MTERF1: variants seen among roughly 807,000 people sequenced by gnomAD.
MTERF1 encodes mitochondrial transcription termination factor 1, also known as transcription termination factor 1, mitochondrial.
Under a neutral mutation model 31.6 loss-of-function variants are expected in MTERF1, and 29 were observed. That is an observed-to-expected ratio of 0.92 (90% CI 0.68 to 1.25). The LOEUF is 1.25. Among genes scored for constraint, MTERF1 ranks in the 50% most tolerant of loss-of-function variants. MTERF1 has a pLI of 0.00. For synonymous variants in MTERF1, 152 were observed against 164.1 expected, an observed-to-expected ratio of 0.93 and a Z score of 0.57; for missense variants, 500 against 469.1, an observed-to-expected ratio of 1.07 and a Z score of -0.61.
At position 91,874,626 on chromosome 7, in the gene MTERF1, C is replaced by G; in HGVS notation, c.168G>C (p.Arg56Ser). 1 of 1,614,052 alleles carries G rather than the reference C, an allele frequency of 6.2e-7. No homozygotes were observed. The highest frequency in any genetic ancestry group is 8.5e-7 in the Non-Finnish European group (1 of 1,180,022). The part of the protein sequence containing the change: ...AENIFKSVSF[R>S]LFGVKCHNTD... ...TATTATGACACTTCACACCAAAAAGCCTAAATGAAACTGATTTGAAGATGT... is the reference window on the plus strand; with the variant it reads ...TATTATGACACTTCACACCAAAAAGGCTAAATGAAACTGATTTGAAGATGT... Residue 56 changes from arginine to serine, a missense_variant, in exon 3 of 3, where the codon AGG becomes AGC. Arg to Ser is a moderately radical substitution (Grantham distance 110, BLOSUM62 -1). Transcript: ENST00000351870.
rs1562843347 is a variant in MTERF1 at position 91,874,050 on chromosome 7, GCT to G, written c.742_743del (p.Ser248HisfsTer7). On this transcript the variant is annotated frameshift_variant, in exon 3 of 3. Transcript: ENST00000351870. LOFTEE classifies it high-confidence loss of function. ...CAATGTTAGCTTTCACCCGCTTGGTGCTCTGAATTAAGATAAAAGGGTTTTTA... is the reference window on the plus strand; with the variant it reads ...CAATGTTAGCTTTCACCCGCTTGGTGCTGAATTAAGATAAAAGGGTTTTTA... ...IFKNPFILIQ[S>X]TKRVKANIEF... 1.9e-6 allele frequency: 3 copies of G among 1,614,100 alleles called. No individual in the cohort carries two copies. Among genetic ancestry groups the G allele is most frequent in the East Asian group, 4.5e-5 (2 of 44,882 alleles).
At position 91,873,989 on chromosome 7, in the gene MTERF1, C is replaced by G; in HGVS notation, c.805G>C (p.Glu269Gln). Residue 269 changes from glutamate to glutamine, a missense_variant, in exon 3 of 3, where the codon GAA (glutamate) becomes CAA (glutamine). By Grantham distance (29) the Glu-to-Gln change is conservative. Transcript: ENST00000351870. Reference protein sequence around the residue: ...LRSTFNLNSEELLVLICGPGA... With the variant: ...LRSTFNLNSEQLLVLICGPGA... ...GGACCACATATCAGAACCAGCAGTT[C>G]CTCACTGTTCAAATTGAAAGTTGAC... The G allele has an allele frequency of 6.2e-7, 1 of 1,614,032 alleles. No individual in the cohort carries two copies. The highest frequency in any genetic ancestry group is 8.5e-7 in the Non-Finnish European group (1 of 1,180,000).
chr7:91,879,157 T>C (rs1217590742), intron 2 of MTERF1, among the ~76,000 whole-genome samples: 2 of 150,204 alleles, frequency 1.3e-5, no homozygotes, highest in Admixed American at 1.3e-4. Context: ...AAAAAGAAAA[T>C]AGAAGAAAAA....
Position 91,873,753 on chromosome 7 carries a change from T to G in MTERF1, c.1041A>C (p.Glu347Asp), listed in dbSNP as rs1789245999. The G allele has an allele frequency of 6.2e-7, 1 of 1,614,140 alleles. No individual in the cohort carries two copies. Residue 347 changes from glutamate to aspartate, a missense_variant, in exon 3 of 3, where the codon GAA (glutamate) becomes GAC (aspartate). Transcript: ENST00000351870. ...EENISISQIIENPRVLDSSIS... is the reference protein window; with the variant it reads ...EENISISQIIDNPRVLDSSIS... ...TGCTTGAATCCAGAACCCGAGGATTTTCGATTATTTGTGAAATGCTAATGT... is the reference window on the plus strand; with the variant it reads ...TGCTTGAATCCAGAACCCGAGGATTGTCGATTATTTGTGAAATGCTAATGT...
In MTERF1 at chr7:91,880,113, T is replaced by C. The variant is rs752340187; in HGVS notation, c.-30A>G. ...CCAGAAAGGCTGGAGAACAGCTATC[T>C]CTGGAAATGACACACACACACAAAA... On this transcript the variant is annotated splice_region_variant and 5_prime_UTR_variant, in exon 2 of 3. Transcript: ENST00000351870. 6.2e-7 allele frequency: 1 copy of C among 1,612,958 alleles called. No homozygotes were observed. Among genetic ancestry groups the C allele is most frequent in the Admixed American group, 1.7e-5 (1 of 59,684 alleles).
At chr7:91,878,713 T>C (rs1368743958) in intron 2 of MTERF1, among the ~76,000 whole-genome samples, 2 of 152,054 alleles carry the variant, frequency 1.3e-5, no homozygotes, top group Non-Finnish European at 1.5e-5. Context: ...CACACACCTA[T>C]AGTCCCAGCT....
In MTERF1 at chr7:91,873,695, C is replaced by A. The variant is rs1562842690; in HGVS notation, c.1099G>T (p.Val367Leu). The change falls in exon 3 of 3, where the codon GTA becomes TTA. Residue 367 changes from valine to leucine, a missense_variant. By Grantham distance (32) the Val-to-Leu change is conservative. Transcript: ENST00000351870. ...STLKSRIKEL[V>L]NAGCNLSTLN... Reference sequence around the variant, plus strand: ...GTACTCAAGTTACAGCCAGCATTTACCAATTCTTTGATTCGACTTTTTAAA... The same window carrying A: ...GTACTCAAGTTACAGCCAGCATTTAACAATTCTTTGATTCGACTTTTTAAA... 1.2e-6 allele frequency: 2 copies of A among 1,613,976 alleles called. No individual in the cohort carries two copies. The highest frequency in any genetic ancestry group is 2.2e-5 in the South Asian group (2 of 91,082).
chr7:91,873,968 C>T lies in MTERF1; in HGVS notation c.826G>A (p.Gly276Ser). 6.2e-7 allele frequency: 1 copy of T among 1,613,980 alleles called. No homozygotes were observed. Among genetic ancestry groups the T allele is most frequent in the Non-Finnish European group, 8.5e-7 (1 of 1,180,016 alleles). The change falls in exon 3 of 3, where the codon GGT (glycine) becomes AGT (serine). Residue 276 changes from glycine (G) to serine (S), a missense_variant. Coordinates refer to ENST00000351870, the MANE Select transcript of MTERF1 (RefSeq NM_006980.5). Reference protein sequence around the residue: ...NSEELLVLICGPGAEILDLSN... With the variant: ...NSEELLVLICSPGAEILDLSN... Reference sequence around the variant, plus strand: ...AGGTCTAGGATTTCAGCTCCTGGACCACATATCAGAACCAGCAGTTCCTCA... The same window carrying T: ...AGGTCTAGGATTTCAGCTCCTGGACTACATATCAGAACCAGCAGTTCCTCA...
chr7:91,873,762 T>A lies in MTERF1; in HGVS notation c.1032A>T (p.Gln344His), dbSNP rs759835487. The A allele has an allele frequency of 2.5e-6, 4 of 1,614,144 alleles. No homozygotes were observed. The South Asian group carries it at 4.4e-5, about 18-fold the overall frequency. Residue 344 changes from glutamine (Q) to histidine (H), a missense_variant, in exon 3 of 3, where the codon CAA becomes CAT. Gln to His is a conservative substitution (Grantham distance 24). Coordinates refer to ENST00000351870, the MANE Select transcript of MTERF1 (RefSeq NM_006980.5). The part of the protein sequence containing the change: ...CLMEENISIS[Q>H]IIENPRVLDS... ...CCAGAACCCGAGGATTTTCGATTATTTGTGAAATGCTAATGTTTTCTTCCA... is the reference window on the plus strand; with the variant it reads ...CCAGAACCCGAGGATTTTCGATTATATGTGAAATGCTAATGTTTTCTTCCA...
In MTERF1 at chr7:91,872,555, C is replaced by T. The variant is rs189066957; in HGVS notation, c.*1039G>A. On this transcript the variant is annotated 3_prime_UTR_variant, in exon 3 of 3. Coordinates refer to ENST00000351870, the MANE Select transcript of MTERF1 (RefSeq NM_006980.5). ...GAGTATCGTTGAATATATAAATGGC[C>T]TTAGAAAAGCAGACATATTGTTTTT... 6.6e-6 allele frequency: 1 copy of T among 152,194 alleles called. No individual in the cohort carries two copies. Among genetic ancestry groups the T allele is most frequent in the African/African-American group, 2.4e-5 (1 of 41,546 alleles). The allele number at this position is 152,194 out of a possible 1,614,324, so 9.4% of individuals were successfully genotyped here. A position where few individuals can be genotyped will look rare whatever the true frequency, so the allele number is the denominator to read the frequency against.
At chr7:91,879,927 C>G (rs1789460686) in intron 2 of MTERF1, 128 bp downstream of exon 2, 2 of 1,062,120 alleles carry the variant, frequency 1.9e-6, no homozygotes, top group African/African-American at 1.6e-5. Flanking sequence ...CGCCTCTGCC[C>G]CACAACTGGC....
Position 91,874,754 on chromosome 7 carries a change from CT to C in MTERF1, c.39del (p.Gly14ValfsTer2). The C allele has an allele frequency of 6.3e-7, 1 of 1,599,290 alleles. No homozygotes were observed. Among genetic ancestry groups the C allele is most frequent in the Non-Finnish European group, 8.5e-7 (1 of 1,173,896 alleles). On this transcript the variant is annotated frameshift_variant, in exon 3 of 3. Transcript: ENST00000351870. LOFTEE classifies it high-confidence loss of function. ...SLSLGQTSIS[K>X]GLNYLTIMAP... ...GCCATAATGGTTAGGTAGTTCAAACCTTTTGAAATGCTGTGTAAAACAACAC... is the reference window on the plus strand; with the variant it reads ...GCCATAATGGTTAGGTAGTTCAAACCTTTGAAATGCTGTGTAAAACAACAC...
intron 2 of MTERF1, among the ~76,000 whole-genome samples, chr7:91,879,077 A>G (rs562897432): frequency 1.1e-3 from 174 of 152,272 alleles, no homozygotes; most frequent in Admixed American, 2.4e-3. Flanking sequence ...TGGGAGGCGG[A>G]GGTTGTAGTG....
chr7:91,873,745 C>T lies in MTERF1; in HGVS notation c.1049G>A (p.Arg350Gln), dbSNP rs1789245677. Reference protein sequence around the residue: ...ISISQIIENPRVLDSSISTLK... With the variant: ...ISISQIIENPQVLDSSISTLK... ...AGTACTTATGCTTGAATCCAGAACC[C>T]GAGGATTTTCGATTATTTGTGAAAT... Residue 350 changes from arginine to glutamine, a missense_variant, in exon 3 of 3, where the codon CGG becomes CAG. Physicochemically the swap from Arg to Gln is conservative, Grantham distance 43. Coordinates refer to ENST00000351870, the MANE Select transcript of MTERF1 (RefSeq NM_006980.5). 1 of 1,614,042 alleles carries T rather than the reference C, an allele frequency of 6.2e-7. No homozygotes were observed. Among genetic ancestry groups the T allele is most frequent in the Non-Finnish European group, 8.5e-7 (1 of 1,179,996 alleles).
rs150790142 is a variant in MTERF1, at chr7:91,873,971, A to C, written c.823T>G (p.Cys275Gly). 3 of 1,613,970 alleles carry C rather than the reference A, an allele frequency of 1.9e-6. No individual in the cohort carries two copies. The African/African-American group carries it at 4.0e-5, about 22-fold the overall frequency. The change falls in exon 3 of 3, where the codon TGT becomes GGT. Residue 275 changes from cysteine (C) to glycine (G), a missense_variant. Transcript: ENST00000351870. Reference sequence around the variant, plus strand: ...TCTAGGATTTCAGCTCCTGGACCACATATCAGAACCAGCAGTTCCTCACTG... The same window carrying C: ...TCTAGGATTTCAGCTCCTGGACCACCTATCAGAACCAGCAGTTCCTCACTG... ...LNSEELLVLICGPGAEILDLS... is the reference protein window; with the variant it reads ...LNSEELLVLIGGPGAEILDLS...
At chr7:91,878,307 A>T (rs1370334125) in intron 2 of MTERF1, among the ~76,000 whole-genome samples, 1 of 152,192 alleles carries the variant, frequency 6.6e-6, no homozygotes, top group Non-Finnish European at 1.5e-5. Context: ...TAAACCTAGA[A>T]ATTTGGTCTT....
chr7:91,873,557 T>C lies in MTERF1; in HGVS notation c.*37A>G, dbSNP rs1789237235. On this transcript the variant is annotated 3_prime_UTR_variant, in exon 3 of 3. Transcript: ENST00000351870. ...AATTCTTTTGCAATGTGGCATAACA[T>C]ATTCACAGTTCCTGAGAATTAAAAA... 6.6e-7 allele frequency: 1 copy of C among 1,508,082 alleles called. No individual in the cohort carries two copies. Among genetic ancestry groups the C allele is most frequent in the South Asian group, 1.3e-5 (1 of 78,632 alleles). The allele number at this position is 1,508,082 out of a possible 1,614,324, so 93.4% of individuals were successfully genotyped here.
Position 91,874,255 on chromosome 7 carries a change from A to T in MTERF1, c.539T>A (p.Ile180Lys), listed in dbSNP as rs748538861. 107 of 1,613,974 alleles carry T rather than the reference A, an allele frequency of 6.6e-5. No homozygotes were observed. Among genetic ancestry groups the T allele is most frequent in the Non-Finnish European group, 8.7e-5 (103 of 1,179,996 alleles). The change falls in exon 3 of 3, where the codon ATA becomes AAA. Residue 180 changes from isoleucine (I) to lysine (K), a missense_variant. By Grantham distance (102) the Ile-to-Lys change is moderately radical. Transcript: ENST00000351870. ...CAATCCAACTGAGTAGAGGAACTTTATATTATTCTCTAAGTTTAGGTTGTT... is the reference window on the plus strand; with the variant it reads ...CAATCCAACTGAGTAGAGGAACTTTTTATTATTCTCTAAGTTTAGGTTGTT... ...SNNNLNLENNIKFLYSVGLTR... is the reference protein window; with the variant it reads ...SNNNLNLENNKKFLYSVGLTR...
chr7:91,874,015 CG>C lies in MTERF1; in HGVS notation c.778del (p.Arg260GlyfsTer6). ...KRVKANIEFLRSTFNLNSEEL... is the reference protein window; with the variant it reads ...KRVKANIEFLXSTFNLNSEEL... The stretch of plus-strand genomic sequence containing the variant: ...CTCACTGTTCAAATTGAAAGTTGAC[CG>C]TAAGAATTCAATGTTAGCTTTCACC... On this transcript the variant is annotated frameshift_variant, in exon 3 of 3. Transcript: ENST00000351870. LOFTEE classifies it high-confidence loss of function. The C allele has an allele frequency of 6.2e-7, 1 of 1,613,956 alleles. No homozygotes were observed. The highest frequency in any genetic ancestry group is 8.5e-7 in the Non-Finnish European group (1 of 1,180,006).
Sources: gnomAD v4.1 joint callset for allele counts (sites outside exome capture counted in the v4.1 genomes callset) on GRCh38, gnomAD v4.1.1 for gene constraint, MANE v1.5 for transcripts, NCBI Gene and HGNC (gene_info 2026-07-23, HGNC 2026-07-21) for gene names.